Variants in ADAMTS9 observed in about 807,000 individuals in gnomAD.
ADAMTS9 encodes the protein A disintegrin and metalloproteinase with thrombospondin motifs 9.
In ADAMTS9, 107 loss-of-function variants were observed where a neutral mutation model predicts 257.1. The ratio of observed to expected loss-of-function variants is 0.42; its 90% confidence interval spans 0.36 to 0.49. The LOEUF (loss-of-function observed/expected upper bound fraction) is 0.49, where lower values mean the gene tolerates loss of function less well. ADAMTS9 is among the 20% of genes least tolerant of loss of function. The probability of loss-of-function intolerance (pLI) is 0.03; values close to 1 mark genes in which losing one functional copy is unlikely to be tolerated. For synonymous variants in ADAMTS9, 982 were observed against 880.9 expected (o/e 1.11, Z -2.03); for missense variants, 2,353 against 2,469.1 (o/e 0.95, Z 1.00).
intron 37 of ADAMTS9, among the ~76,000 whole-genome samples, chr3:64,538,193 T>C (rs1341715390): frequency 1.3e-5 from 2 of 152,324 alleles, no homozygotes; most frequent in East Asian, 1.9e-4. Context: ...CGTTAACCTG[T>C]CATCCTCTCT....
At chr3:64,552,539 G>A (rs1000527239) in intron 30 of ADAMTS9, among the ~76,000 whole-genome samples, 1 of 150,128 alleles carries the variant, frequency 6.7e-6, no homozygotes, top group South Asian at 2.1e-4. Flanking sequence ...TGTGATTTTT[G>A]TTGTGTGGTC....
In ADAMTS9 at chr3:64,686,493, C is replaced by T; in HGVS notation, c.516+75G>A. On this transcript the variant is annotated intron_variant, in intron 2 of 39. Coordinates refer to ENST00000498707, the MANE Select transcript of ADAMTS9 (RefSeq NM_182920.2). This position sits in a 1 kb window ranked among gnomAD's most constrained non-coding sequence, Gnocchi z 4.6. ...CCTCGCCACAGTGAGGGTCTCTAGG[C>T]TTAGAGGACAATTAAGTCTTCTAGA... The T allele has an allele frequency of 6.7e-7, 1 of 1,482,376 alleles. No homozygotes were observed. The highest frequency in any genetic ancestry group is 9.0e-7 in the Non-Finnish European group (1 of 1,109,896). The allele number at this position is 1,482,376 out of a possible 1,614,324, so 91.8% of individuals were successfully genotyped here.
intron 31 of ADAMTS9, among the ~76,000 whole-genome samples, chr3:64,548,602 G>GA (rs2083231814): frequency 6.6e-6 from 1 of 151,700 alleles, no homozygotes; most frequent in Admixed American, 6.6e-5. Flanking sequence ...TATGTGGGGG[G>GA]GAGCCCAGTG....
In ADAMTS9 at chr3:64,639,814, T is replaced by G. The variant is rs188472406; in HGVS notation, c.1856+2034A>C. Among the ~76,000 whole-genome samples the G allele has an allele frequency of 4.6e-5, 7 of 152,310 alleles. No homozygotes were observed. In the East Asian group the frequency reaches 1.4e-3, roughly 29 times the overall value. On this transcript the variant is annotated intron_variant, in intron 12 of 39. Transcript: ENST00000498707. ...CAAGCAACAAGGATGCATAGCTGAG[T>G]TTAAAAAGCAGTACCAGCCTTCTTT...
intron 22 of ADAMTS9, among the ~76,000 whole-genome samples, chr3:64,608,403 C>T (rs2084602718): frequency 6.6e-6 from 1 of 151,684 alleles, no homozygotes; most frequent in Non-Finnish European, 1.5e-5. Flanking sequence ...ATTGATAAAC[C>T]TTTAGCTAGC....
rs757883990 is a variant in ADAMTS9, at chr3:64,649,675, A to G, written c.1567T>C (p.Leu523=). The change falls in exon 10 of 40, where the codon TTG becomes CTG. Residue 523 remains leucine (L), a synonymous_variant. Coordinates refer to ENST00000498707, the MANE Select transcript of ADAMTS9 (RefSeq NM_182920.2). ...ACCTGAGAACCTGGTCCAAAAATCA[A>G]TTCACATTGTTTATTCACGTTGTAA... ...ILYNVNKQCE[L]IFGPGSQVCP... The G allele has an allele frequency of 5.6e-6, 9 of 1,614,020 alleles. No individual in the cohort carries two copies. The highest frequency in any genetic ancestry group is 3.3e-4 in the Middle Eastern group (2 of 6,060).
intron 11 of ADAMTS9, among the ~76,000 whole-genome samples, chr3:64,646,789 T>G (rs1449214122): frequency 6.6e-6 from 1 of 152,184 alleles, no homozygotes; most frequent in East Asian, 1.9e-4. Context: ...TCAGTGAGCT[T>G]CAGTTAGGGC....
intron 11 of ADAMTS9, among the ~76,000 whole-genome samples, chr3:64,644,686 G>C (rs1700740938): frequency 6.6e-6 from 1 of 152,174 alleles, no homozygotes; most frequent in Non-Finnish European, 1.5e-5. Context: ...TTTGTACCTT[G>C]AGGACAAAAT....
chr3:64,633,435 G>A, intron 14 of ADAMTS9, 37 bp downstream of exon 14: 1 of 1,611,078 alleles, frequency 6.2e-7, no homozygotes, highest in East Asian at 2.2e-5. Flanking sequence ...GTTGGCAGCG[G>A]GAAAACACAG....
chr3:64,549,059 G>T (rs934112167), intron 31 of ADAMTS9, among the ~76,000 whole-genome samples: 1 of 152,186 alleles, frequency 6.6e-6, no homozygotes, highest in Non-Finnish European at 1.5e-5. Context: ...AGGTCCCAGA[G>T]AGAAGGCATG....
At chr3:64,555,381 A>T (rs1317378537) in intron 30 of ADAMTS9, among the ~76,000 whole-genome samples, 1 of 149,506 alleles carries the variant, frequency 6.7e-6, no homozygotes, top group African/African-American at 2.5e-5. Flanking sequence ...AAAGTCATTC[A>T]TTCATTCAAT....
At position 64,633,819 on chromosome 3, in the gene ADAMTS9, C is replaced by A; in HGVS notation, c.1917G>T (p.Thr639=). 1 of 1,613,286 alleles carries A rather than the reference C, an allele frequency of 6.2e-7. No homozygotes were observed. Among genetic ancestry groups the A allele is most frequent in the Non-Finnish European group, 8.5e-7 (1 of 1,179,920 alleles). The part of the protein sequence containing the change: ...GRRMKFKSCN[T]EPCLKQKRDF... ...CTCGCTTCTGCTTGAGACATGGCTC[C>A]GTGTTGCAGGACTTAAATTTCATTC... Residue 639 remains threonine (T), a synonymous_variant, in exon 13 of 40, where the codon ACG becomes ACT. Transcript: ENST00000498707.
chr3:64,541,452 A>C lies in ADAMTS9; in HGVS notation c.5293-38T>G, dbSNP rs17070965. 12,747 of 1,610,976 alleles carry C rather than the reference A, an allele frequency of 7.9e-3. 484 individuals are homozygous for C. In the East Asian group the frequency reaches 0.083, roughly 10 times the overall value. ...AAATAACCCATGAAGAGTGGCTCAGAAATGAGGTAATGAGAGCGGTGATCA... is the reference window on the plus strand; with the variant it reads ...AAATAACCCATGAAGAGTGGCTCAGCAATGAGGTAATGAGAGCGGTGATCA... On this transcript the variant is annotated intron_variant, in intron 34 of 39. Transcript: ENST00000498707.
chr3:64,541,794 T>G (rs1407577317), intron 33 of ADAMTS9, 44 bp downstream of exon 33: 1 of 1,610,596 alleles, frequency 6.2e-7, no homozygotes, highest in Non-Finnish European at 8.5e-7. Context: ...AAAGACATCC[T>G]GTTCTTCATG....
intron 4 of ADAMTS9, chr3:64,656,128 C>T (rs529854290): frequency 2.7e-6 from 1 of 374,524 alleles, no homozygotes; most frequent in African/African-American, 2.1e-5. Context: ...CGTGACTTAA[C>T]AGTTCTCTGT....
At chr3:64,566,232 T>A (rs746062226) in intron 29 of ADAMTS9, among the ~76,000 whole-genome samples, 21 of 152,206 alleles carry the variant, frequency 1.4e-4, no homozygotes, top group Non-Finnish European at 3.1e-4. Flanking sequence ...CCAATAATCT[T>A]TAATCATGCA....
chr3:64,635,376 G>T (rs1225535279), intron 12 of ADAMTS9, among the ~76,000 whole-genome samples: 2 of 152,132 alleles, frequency 1.3e-5, no homozygotes, highest in Non-Finnish European at 2.9e-5. Context: ...TACTTAAAAG[G>T]CTTGTTGTGA....
intron 11 of ADAMTS9, among the ~76,000 whole-genome samples, chr3:64,646,747 C>T (rs1365580356): frequency 5.3e-5 from 8 of 152,172 alleles, no homozygotes; most frequent in Non-Finnish European, 1.5e-5. Flanking sequence ...AACCACTAGT[C>T]TTCCTCTTTG....
rs755480110 is a variant in ADAMTS9 at position 64,517,416 on chromosome 3, G to GTTTTTTTTTT, written c.*6-305_*6-296dup. Among the ~76,000 whole-genome samples, 59 of 52,666 alleles carry GTTTTTTTTTT rather than the reference G, an allele frequency of 1.1e-3. 14 individuals carry two copies. Among genetic ancestry groups the GTTTTTTTTTT allele is most frequent in the Admixed American group, 1.9e-3 (5 of 2,656 alleles). 34.6% of individuals were successfully genotyped at this position (52,666 alleles called of 152,430 possible). ...CATCAAGCCCAGCTAATTAAAAATG[G>GTTTTTTTTTT]TTTTTTTTTTTTTTTTTTTTTTTGC... On this transcript the variant is annotated intron_variant, in intron 39 of 39. Transcript: ENST00000498707.
Sources: gnomAD v4.1 joint callset for allele counts (sites outside exome capture counted in the v4.1 genomes callset) on GRCh38, gnomAD v4.1.1 for gene constraint, Gnocchi (gnomAD v3.1) non-coding constraint, MANE v1.5 for transcripts, NCBI Gene and HGNC (gene_info 2026-07-23, HGNC 2026-07-21) for gene names.